The following COL10A1 variants were observed in gnomAD, a reference collection of about 807,000 sequenced individuals.
The protein encoded by COL10A1 is collagen alpha-1(X) chain.
A neutral mutation model predicts 18.2 loss-of-function variants in COL10A1; 10 were observed. That is an observed-to-expected ratio of 0.55 (90% confidence interval 0.34 to 0.93). COL10A1 has a LOEUF of 0.93. Among genes scored for constraint, COL10A1 ranks in the 40% least tolerant of loss-of-function variants. The probability of loss-of-function intolerance (pLI) is 0.02; values close to 1 mark genes in which losing one functional copy is unlikely to be tolerated. For missense variants in COL10A1, 897 were observed against 853.5 expected, an observed-to-expected ratio of 1.05 and a Z score of -0.64; for synonymous variants, 330 against 316.6, an observed-to-expected ratio of 1.04 and a Z score of -0.45.
chr6:116,136,041 T>C (rs1440892219), intron 1 of COL10A1, among the ~76,000 whole-genome samples: 2 of 151,950 alleles, frequency 1.3e-5, no homozygotes, highest in Non-Finnish European at 2.9e-5. Flanking sequence ...ATGAACTTAT[T>C]CATCCTACGT....
chr6:116,200,934 C>T, the COL10A1 span, among the ~76,000 whole-genome samples: 1 of 152,000 alleles, frequency 6.6e-6, no homozygotes, highest in South Asian at 2.1e-4. Context: ...CTTACCAGTG[C>T]TTTTTTCTAA....
chr6:116,119,861 G>T lies in COL10A1; in HGVS notation c.*212C>A. ...GAAAACCTTAAAGAGCCTTAAGATT[G>T]CTAACTAGAAATTCAAGAGAGGCTT... On this transcript the variant is annotated 3_prime_UTR_variant, in exon 3 of 3. Transcript: ENST00000651968. 1 of 561,808 alleles carries T rather than the reference G, an allele frequency of 1.8e-6. No homozygotes were observed. Among genetic ancestry groups the T allele is most frequent in the Non-Finnish European group, 3.1e-6 (1 of 317,460 alleles). 34.8% of individuals were successfully genotyped at this position (561,808 alleles called of 1,614,324 possible). A position where few individuals can be genotyped will look rare whatever the true frequency, so the allele number is the denominator to read the frequency against.
the COL10A1 span, among the ~76,000 whole-genome samples, chr6:116,176,175 A>G: frequency 6.6e-6 from 1 of 152,122 alleles, no homozygotes; most frequent in Non-Finnish European, 1.5e-5. Context: ...AAATTCTTCT[A>G]GTGCTAGAGT....
chr6:116,178,130 TGTG>T, the COL10A1 span, among the ~76,000 whole-genome samples: 2 of 151,632 alleles, frequency 1.3e-5, no homozygotes, highest in African/African-American at 4.9e-5. Flanking sequence ...TGTGTGTGTG[TGTG>T]TTTACTAGTG....
chr6:116,192,749 T>C, the COL10A1 span, among the ~76,000 whole-genome samples: 11 of 152,234 alleles, frequency 7.2e-5, no homozygotes, highest in African/African-American at 2.6e-4. Flanking sequence ...TGAGTACTAA[T>C]ACTTTGTCTT....
intron 1 of COL10A1, chr6:116,145,525 A>G (rs1046566287): frequency 6.3e-6 from 2 of 317,032 alleles, no homozygotes; most frequent in South Asian, 2.8e-5. Context: ...GTATTATTTC[A>G]TTAGAACTCC....
chr6:116,129,772 C>T (rs1779417569), upstream of COL10A1, among the ~76,000 whole-genome samples: 1 of 152,134 alleles, frequency 6.6e-6, no homozygotes, highest in Admixed American at 6.5e-5. Context: ...ACTTTTTACT[C>T]CCTTGCAGTT....
chr6:116,210,927 C>T, the COL10A1 span, among the ~76,000 whole-genome samples: 1 of 152,010 alleles, frequency 6.6e-6, no homozygotes, highest in African/African-American at 2.4e-5. Context: ...AGATAGCTCT[C>T]TAATGAATCA....
Position 116,119,699 on chromosome 6 carries a change from C to T in COL10A1, c.*374G>A, listed in dbSNP as rs528772632. On this transcript the variant is annotated 3_prime_UTR_variant, in exon 3 of 3. Coordinates refer to ENST00000651968, the MANE Select transcript of COL10A1 (RefSeq NM_000493.4). ...ACAGGCTTTTTTAAAAAGGAAATGC[C>T]GAGTTTCTCAAATCAAATTTCACAT... 1.7e-5 allele frequency: 3 copies of T among 181,120 alleles called. No homozygotes were observed. Among genetic ancestry groups the T allele is most frequent in the East Asian group, 2.9e-4 (2 of 6,810 alleles). The allele number at this position is 181,120 out of a possible 1,614,324, so 11.2% of individuals were successfully genotyped here. A position where few individuals can be genotyped will look rare whatever the true frequency, so the allele number is the denominator to read the frequency against.
At chr6:116,161,063 T>C (rs1780316296), upstream of COL10A1, among the ~76,000 whole-genome samples, 1 of 151,584 alleles carries the variant, frequency 6.6e-6, no homozygotes, top group African/African-American at 2.4e-5. Context: ...AAATTGGAAA[T>C]CATCATTCTC....
chr6:116,150,389 A>G (rs771666797), intron 1 of COL10A1, among the ~76,000 whole-genome samples: 44 of 152,172 alleles, frequency 2.9e-4, no homozygotes, highest in African/African-American at 4.6e-4. Flanking sequence ...GGTTCAAGCA[A>G]TTCTCCTGCC....
the COL10A1 span, among the ~76,000 whole-genome samples, chr6:116,217,109 T>C: frequency 2.0e-5 from 3 of 152,178 alleles, no homozygotes; most frequent in Admixed American, 6.6e-5. Flanking sequence ...TCAGTGATGA[T>C]AGAAATAGTG....
At chr6:116,143,570 T>C (rs1470017896) in intron 1 of COL10A1, among the ~76,000 whole-genome samples, 1 of 152,212 alleles carries the variant, frequency 6.6e-6, no homozygotes, top group Non-Finnish European at 1.5e-5. Context: ...CTTAAAACTT[T>C]TTTTAATCCT....
In COL10A1 at chr6:116,143,113, G is replaced by A. The variant is rs145546339; in HGVS notation, c.-16+15501C>T. Among the ~76,000 whole-genome samples the A allele has an allele frequency of 6.7e-4, 102 of 152,246 alleles. 2 individuals are homozygous for A. In the East Asian group the frequency reaches 0.019, roughly 28 times the overall value. ...TAATATTTAGAAATAATATTAAAAT[G>A]CCTGATAAATTTGCCTCTGGCATAG... On this transcript the variant is annotated intron_variant, in intron 1 of 1. Coordinates refer to the COL10A1 transcript ENST00000418500.
At chr6:116,193,765 TTAAAAA>T in the COL10A1 span, among the ~76,000 whole-genome samples, 78,923 of 151,094 alleles carry the variant, frequency 0.52, 21,077 homozygotes, top group African/African-American at 0.63. Context: ...AATTATACTG[TTAAAAA>T]TAAAAAAAGA....
At chr6:116,125,533 A>T (rs1325604296) in intron 1 of COL10A1, 26 bp from the exon 2 acceptor site, 1 of 1,601,554 alleles carries the variant, frequency 6.2e-7, no homozygotes, top group Middle Eastern at 1.7e-4. Context: ...GAATAACTTT[A>T]TACAGCATTG....
chr6:116,141,300 C>T (rs1779758119), intron 1 of COL10A1, among the ~76,000 whole-genome samples: 1 of 148,490 alleles, frequency 6.7e-6, no homozygotes, highest in African/African-American at 2.5e-5. Context: ...TTTTAGTATT[C>T]TTACATATTT....
At chr6:116,149,924 A>T (rs1242429552) in intron 1 of COL10A1, among the ~76,000 whole-genome samples, 3 of 152,158 alleles carry the variant, frequency 2.0e-5, no homozygotes, top group Admixed American at 6.6e-5. Flanking sequence ...GTGTTCCCCC[A>T]CTCACAGGTA....
At chr6:116,172,825 T>G in the COL10A1 span, among the ~76,000 whole-genome samples, 1 of 152,184 alleles carries the variant, frequency 6.6e-6, no homozygotes, top group African/African-American at 2.4e-5. Flanking sequence ...AATTTGACCT[T>G]TAGGAAAATC....
Sources: allele counts gnomAD v4.1 joint callset (sites outside exome capture counted in the v4.1 genomes callset), GRCh38; gene constraint gnomAD v4.1.1; transcripts MANE v1.5; gene names NCBI Gene and HGNC (gene_info 2026-07-23, HGNC 2026-07-21).